MRC1: variants seen among roughly 807,000 people sequenced by gnomAD.
MRC1 encodes the protein mannose receptor C-type 1, also known as macrophage mannose receptor 1.
A neutral mutation model predicts 102.9 loss-of-function variants in MRC1; 62 were observed. That is an observed-to-expected ratio of 0.60 (90% confidence interval 0.49 to 0.74). MRC1 has a LOEUF of 0.74. MRC1 is among the 30% of genes least tolerant of loss of function. The pLI is 0.00. For missense variants in MRC1, 1,237 were observed against 862.8 expected, an observed-to-expected ratio of 1.43 and a Z score of -5.43; for synonymous variants, 457 against 298.4, an observed-to-expected ratio of 1.53 and a Z score of -5.48.
chr10:17,869,413 G>A (rs899489170), intron 12 of MRC1, among the ~76,000 whole-genome samples: 1 of 152,124 alleles, frequency 6.6e-6, no homozygotes, highest in Admixed American at 6.6e-5. Context: ...GACAACTTGG[G>A]CAACCATAGT....
intron 1 of MRC1, among the ~76,000 whole-genome samples, chr10:17,813,696 A>AT (rs1483119634): frequency 4.9e-5 from 5 of 102,668 alleles, no homozygotes; most frequent in African/African-American, 1.8e-4. Context: ...ATATATATAT[A>AT]TATATTTTTT....
At chr10:17,878,626 C>T (rs1007182373) in intron 18 of MRC1, among the ~76,000 whole-genome samples, 21 of 152,166 alleles carry the variant, frequency 1.4e-4, no homozygotes, top group South Asian at 1.2e-3. Context: ...CTGCTATTGT[C>T]ATCTTTGAGC....
At chr10:17,906,752 G>T in intron 26 of MRC1, 134 bp from the exon 27 acceptor site, 2 of 751,176 alleles carry the variant, frequency 2.7e-6, no homozygotes, top group Non-Finnish European at 4.9e-6. Flanking sequence ...ACAAACACCT[G>T]CCCTTTGAAA....
chr10:17,815,177 T>TC (rs1301636959), intron 1 of MRC1, among the ~76,000 whole-genome samples: 14 of 152,254 alleles, frequency 9.2e-5, no homozygotes, highest in African/African-American at 3.4e-4. Flanking sequence ...TCCTGCTATT[T>TC]CCCCCTTTAT....
At chr10:17,892,219 G>GT (rs1392506766) in intron 22 of MRC1, among the ~76,000 whole-genome samples, 35 of 152,152 alleles carry the variant, frequency 2.3e-4, no homozygotes, top group Non-Finnish European at 1.0e-4. Context: ...AGTCTGCACT[G>GT]TAAGAATCTG....
chr10:17,854,088 C>G (rs1447578925), intron 8 of MRC1, among the ~76,000 whole-genome samples: 1 of 152,132 alleles, frequency 6.6e-6, no homozygotes, highest in South Asian at 2.1e-4. Flanking sequence ...ATAGCTGTGA[C>G]TAAAGGTGCG....
intron 7 of MRC1, among the ~76,000 whole-genome samples, chr10:17,850,550 G>T (rs1485093265): frequency 1.3e-5 from 2 of 152,208 alleles, no homozygotes; most frequent in East Asian, 3.8e-4. Flanking sequence ...AGCTGGGAAT[G>T]CTTGTCCCGA....
intron 7 of MRC1, among the ~76,000 whole-genome samples, chr10:17,849,973 T>G (rs1457115937): frequency 1.3e-5 from 2 of 152,204 alleles, no homozygotes; most frequent in African/African-American, 2.4e-5. Flanking sequence ...CACTGAAAGA[T>G]AATTCAATTT....
chr10:17,853,384 A>G (rs1274168461), intron 8 of MRC1, among the ~76,000 whole-genome samples: 5 of 151,958 alleles, frequency 3.3e-5, no homozygotes, highest in Non-Finnish European at 7.4e-5. Context: ...GAATACTCAT[A>G]TTGTTTCTAT....
chr10:17,830,969 A>C (rs1589167899), intron 3 of MRC1, among the ~76,000 whole-genome samples: 1 of 150,352 alleles, frequency 6.7e-6, no homozygotes, highest in Admixed American at 6.6e-5. Context: ...GCTCACTGCA[A>C]CCTCTGCCTC....
intron 7 of MRC1, among the ~76,000 whole-genome samples, chr10:17,850,186 C>T (rs1838892422): frequency 6.8e-6 from 1 of 147,352 alleles, no homozygotes; most frequent in South Asian, 2.1e-4. Flanking sequence ...CTGTTTCAGA[C>T]TTTAGATTTC....
chr10:17,879,687 G>T (rs1375990190), intron 18 of MRC1, 34 bp from the exon 19 acceptor site: 1 of 780,848 alleles, frequency 1.3e-6, no homozygotes, highest in Non-Finnish European at 2.4e-6. Flanking sequence ...CTAATGATTG[G>T]ATCGTTTCAA....
At chr10:17,848,795 C>T (rs1414812297) in intron 6 of MRC1, among the ~76,000 whole-genome samples, 1 of 152,098 alleles carries the variant, frequency 6.6e-6, no homozygotes, top group Admixed American at 6.6e-5. Flanking sequence ...GTCACAAGCA[C>T]GTGTCAGTTT....
intron 4 of MRC1, among the ~76,000 whole-genome samples, 155 bp downstream of exon 4, chr10:17,833,994 T>C (rs960423085): frequency 6.6e-6 from 1 of 152,232 alleles, no homozygotes; most frequent in African/African-American, 2.4e-5. Context: ...ACTCTGAAAA[T>C]GACACCAGGG....
chr10:17,829,198 A>T (rs1838530844), intron 3 of MRC1, among the ~76,000 whole-genome samples: 1 of 151,520 alleles, frequency 6.6e-6, no homozygotes, highest in Non-Finnish European at 1.5e-5. Flanking sequence ...TCACAACTCA[A>T]CTTTCCAGAC....
chr10:17,813,353 A>G (rs1461647449), intron 1 of MRC1, among the ~76,000 whole-genome samples: 2 of 152,166 alleles, frequency 1.3e-5, no homozygotes, highest in Non-Finnish European at 2.9e-5. Flanking sequence ...ATACTCCTCT[A>G]TTTCATTTCC....
At chr10:17,817,731 G>A (rs1838334220) in intron 1 of MRC1, among the ~76,000 whole-genome samples, 1 of 152,062 alleles carries the variant, frequency 6.6e-6, no homozygotes, top group Admixed American at 6.6e-5. Context: ...CGACTGTGTC[G>A]ATCTGTTCAT....
At position 17,842,183 on chromosome 10, in the gene MRC1, G is replaced by A. The variant is rs906566793; in HGVS notation, c.916+1377G>A. On this transcript the variant is annotated intron_variant, in intron 5 of 29. Transcript: ENST00000569591. ...TCCCCACATTGGCCAGGCCAGTCTC[G>A]AACTTCTGAACTCAAGTGATGTGGC... 2.0e-3 allele frequency among the ~76,000 whole-genome samples: 305 copies of A among 152,196 alleles called. 1 individual carries two copies. The highest frequency in any genetic ancestry group is 1.9e-3 in the Non-Finnish European group (128 of 68,010).
chr10:17,879,850 T>C, intron 19 of MRC1, 29 bp downstream of exon 19: 1 of 780,870 alleles, frequency 1.3e-6, no homozygotes, highest in East Asian at 2.4e-5. Context: ...TTGAATTTGC[T>C]TTGTGGCGTG....
Sources: gnomAD v4.1 joint callset for allele counts (sites outside exome capture counted in the v4.1 genomes callset) on GRCh38, gnomAD v4.1.1 for gene constraint, MANE v1.5 for transcripts, NCBI Gene and HGNC (gene_info 2026-07-23, HGNC 2026-07-21) for gene names.